CUL4B: variants seen among roughly 807,000 people sequenced by gnomAD.
CUL4B encodes the protein cullin-4B.
Under a neutral mutation model 69.2 loss-of-function variants are expected in CUL4B, and 1 was observed. The observed-to-expected ratio is 0.01, with a 90% CI of 0.01 to 0.07. The LOEUF (loss-of-function observed/expected upper bound fraction) is 0.07. CUL4B is among the 10% of genes least tolerant of loss of function. The pLI, the probability that CUL4B is intolerant of heterozygous loss-of-function variation, is 1.00. For missense variants in CUL4B, 328 were observed against 638.8 expected, an observed-to-expected ratio of 0.51 and a Z score of 5.24; for synonymous variants, 237 against 223.2, an observed-to-expected ratio of 1.06 and a Z score of -0.55.
chrX:120,547,614 G>A (rs913155791), intron 2 of CUL4B, among the ~76,000 whole-genome samples: 2 of 111,930 alleles, frequency 1.8e-5, no homozygotes, highest in Non-Finnish European at 3.8e-5. Context: ...AGGATTGCTT[G>A]ATGCCAGGCT....
At chrX:120,573,890 C>A (rs746682739) in intron 2 of CUL4B, among the ~76,000 whole-genome samples, 1 of 111,527 alleles carries the variant, frequency 9.0e-6, no homozygotes, top group South Asian at 3.7e-4. Flanking sequence ...ATGGCACAAT[C>A]TCTGCTCACT....
Position 120,540,367 on chromosome X carries a change from T to C in CUL4B, c.1636+3A>G, listed in dbSNP as rs1264264139. On this transcript the variant is annotated splice_donor_region_variant and intron_variant, in intron 11 of 19. Transcript: ENST00000371322. ...CAACTGGAAAAAGGACTGGAAAACA[T>C]ACCTATAAGTTCAGCTGGTTTATTT... The C allele has an allele frequency of 8.3e-7, 1 of 1,201,173 alleles. No individual in the cohort carries two copies. Among genetic ancestry groups the C allele is most frequent in the Non-Finnish European group, 1.1e-6 (1 of 886,083 alleles).
chrX:120,551,113 A>G (rs935393158), intron 2 of CUL4B, among the ~76,000 whole-genome samples: 2 of 111,999 alleles, frequency 1.8e-5, no homozygotes, highest in African/African-American at 3.2e-5. Context: ...GCCTTCCCCA[A>G]TAAAAGCCTT....
chrX:120,567,297 T>G (rs574761512), downstream of CUL4B, among the ~76,000 whole-genome samples: 20 of 108,441 alleles, frequency 1.8e-4, no homozygotes, highest in South Asian at 7.8e-3. Flanking sequence ...CTAAATTTTT[T>G]GGTATTTTTA....
At chrX:120,563,802 A>C (rs996514178), upstream of CUL4B, among the ~76,000 whole-genome samples, 1 of 112,386 alleles carries the variant, frequency 8.9e-6, no homozygotes, top group Non-Finnish European at 1.9e-5. Flanking sequence ...TAGCCATTTT[A>C]AAAAATTACA....
Position 120,525,168 on chromosome X carries a change from TAGAA to T in CUL4B, c.*1589_*1592del, listed in dbSNP as rs895124406. 16 of 111,977 alleles carry T rather than the reference TAGAA, an allele frequency of 1.4e-4. No individual in the cohort carries two copies. Among genetic ancestry groups the T allele is most frequent in the Non-Finnish European group, 1.7e-4 (9 of 53,131 alleles). 9.2% of individuals were successfully genotyped at this position (111,977 alleles called of 1,213,427 possible). On this transcript the variant is annotated 3_prime_UTR_variant, in exon 20 of 20. Transcript: ENST00000371322. The stretch of plus-strand genomic sequence containing the variant: ...ACACCAGTGTGCAAGTTGATGCAAC[TAGAA>T]AGAAATAGACGACTTTTTAAAATAC...
At chrX:120,544,957 TAAAAC>T (rs1217426323) in intron 5 of CUL4B, among the ~76,000 whole-genome samples, 1 of 112,407 alleles carries the variant, frequency 8.9e-6, no homozygotes, top group African/African-American at 3.2e-5. Context: ...TTCTAAGACA[TAAAAC>T]AGTTTTCACT....
intron 15 of CUL4B, among the ~76,000 whole-genome samples, chrX:120,536,285 T>C: frequency 8.8e-6 from 1 of 112,998 alleles, no homozygotes; most frequent in Non-Finnish European, 1.9e-5. Context: ...ATCTGCCAAA[T>C]GTGAGCCTTT....
chrX:120,559,845 G>C, intron 1 of CUL4B: 1 of 1,135,731 alleles, frequency 8.8e-7, no homozygotes. Flanking sequence ...AATACAATAG[G>C]TTGAAAAAGA....
chrX:120,558,076 T>C (rs749664158), intron 1 of CUL4B, 37 bp from the exon 2 acceptor site: 69 of 827,235 alleles, frequency 8.3e-5, no homozygotes, highest in Non-Finnish European at 2.4e-5. Flanking sequence ...CAGAATACCA[T>C]GTCAGATACA....
chrX:120,558,976 A>G (rs1486645483), intron 1 of CUL4B, among the ~76,000 whole-genome samples: 1 of 111,570 alleles, frequency 9.0e-6, no homozygotes, highest in East Asian at 2.8e-4. Flanking sequence ...CTATTAAATC[A>G]GAAACTGAGA....
At chrX:120,546,280 T>C (rs1924318400) in intron 4 of CUL4B, among the ~76,000 whole-genome samples, 1 of 110,373 alleles carries the variant, frequency 9.1e-6, no homozygotes, top group Admixed American at 9.7e-5. Flanking sequence ...GTGCAATGTA[T>C]ACTGCTCTGG....
chrX:120,547,279 A>T (rs749522507), intron 2 of CUL4B, 40 bp from the exon 3 acceptor site: 1 of 784,774 alleles, frequency 1.3e-6, no homozygotes, highest in Non-Finnish European at 2.0e-6. Flanking sequence ...AGGATGAAGG[A>T]TTTCTCAACT....
upstream of CUL4B, chrX:120,561,441 T>TG (rs771003908): frequency 4.1e-3 from 1,090 of 263,352 alleles, 4 homozygotes; most frequent in East Asian, 0.014. Flanking sequence ...AGGACTTGAG[T>TG]GGGGGGGGGA....
At chrX:120,561,242 T>C (rs1006841280), upstream of CUL4B, 1 of 508,409 alleles carries the variant, frequency 2.0e-6, no homozygotes, top group Admixed American at 2.9e-5. Flanking sequence ...ACGCTCGCGC[T>C]AGTTCGCTCC....
At chrX:120,566,344 G>GGTAT (rs1925515981), upstream of CUL4B, among the ~76,000 whole-genome samples, 2 of 17,914 alleles carry the variant, frequency 1.1e-4, no homozygotes, top group African/African-American at 3.5e-4. Context: ...TGTGTGTATA[G>GGTAT]GTATATATAT....
intron 2 of CUL4B, among the ~76,000 whole-genome samples, chrX:120,552,703 C>A (rs997976205): frequency 9.0e-6 from 1 of 110,898 alleles, no homozygotes; most frequent in African/African-American, 3.3e-5. Context: ...TATATATAAA[C>A]GTGTAGCAAA....
intron 11 of CUL4B, 38 bp from the exon 12 acceptor site, chrX:120,539,410 G>A (rs753062420): frequency 2.2e-4 from 184 of 846,183 alleles, no homozygotes; most frequent in Non-Finnish European, 2.6e-4. Flanking sequence ...AATAACCGGG[G>A]AATACACGAG....
chrX:120,573,528 T>C (rs1925773172), intron 2 of CUL4B, among the ~76,000 whole-genome samples: 1 of 112,004 alleles, frequency 8.9e-6, no homozygotes, highest in African/African-American at 3.2e-5. Flanking sequence ...TACACTGTCA[T>C]ATTTACCCTT....
Sources: allele counts gnomAD v4.1 joint callset (sites outside exome capture counted in the v4.1 genomes callset), GRCh38; gene constraint gnomAD v4.1.1; transcripts MANE v1.5; gene names NCBI Gene and HGNC (gene_info 2026-07-23, HGNC 2026-07-21).